AOPEP: variants seen among roughly 807,000 people sequenced by gnomAD.
AOPEP encodes the protein aminopeptidase O (putative), also known as aminopeptidase O.
A neutral mutation model predicts 98.1 loss-of-function variants in AOPEP; 77 were observed. The observed-to-expected ratio is 0.78, with a 90% confidence interval of 0.65 to 0.95. The LOEUF (loss-of-function observed/expected upper bound fraction) is 0.95. AOPEP is among the 40% of genes least tolerant of loss of function. AOPEP has a pLI of 0.00. For missense variants in AOPEP, 1,024 were observed against 1,024.7 expected, an observed-to-expected ratio of 1.00 and a Z score of 0.01; for synonymous variants, 346 against 365.3, an observed-to-expected ratio of 0.95 and a Z score of 0.60.
chr9:94,903,202 T>G (rs912525976), intron 5 of AOPEP, among the ~76,000 whole-genome samples: 6 of 151,704 alleles, frequency 4.0e-5, no homozygotes, highest in Non-Finnish European at 8.8e-5. Context: ...AGGCTGGTCT[T>G]GAATTCCTGA....
At chr9:95,033,831 A>G (rs1156927348) in intron 13 of AOPEP, among the ~76,000 whole-genome samples, 2 of 152,248 alleles carry the variant, frequency 1.3e-5, no homozygotes, top group African/African-American at 4.8e-5. Context: ...TTCTACATAT[A>G]GAAGTCACAG....
chr9:94,892,725 T>C lies in AOPEP; in HGVS notation c.1365-31261T>C, dbSNP rs573424864. 9.3e-4 allele frequency among the ~76,000 whole-genome samples: 141 copies of C among 152,328 alleles called. 1 individual carries two copies. The highest frequency in any genetic ancestry group is 3.2e-3 in the African/African-American group (135 of 41,564). On this transcript the variant is annotated intron_variant, in intron 5 of 16. Transcript: ENST00000375315. ...CTGTTTTCTTTTTCTTTCTATTATT[T>C]TTTAAAGAGGGAGGGTCTTGCTCTG...
At chr9:95,149,064 T>C in the AOPEP span, among the ~76,000 whole-genome samples, 1 of 152,200 alleles carries the variant, frequency 6.6e-6, no homozygotes, top group Non-Finnish European at 1.5e-5. Context: ...AATGCTGCTT[T>C]TGTCAAACAT....
the AOPEP span, among the ~76,000 whole-genome samples, chr9:95,119,189 G>GT: frequency 1.3e-5 from 2 of 152,070 alleles, no homozygotes; most frequent in Non-Finnish European, 2.9e-5. Flanking sequence ...GCCAACTTAT[G>GT]TATCTTTTTT....
At chr9:95,114,696 GT>G in the AOPEP span, 3 of 1,614,138 alleles carry the variant, frequency 1.9e-6, no homozygotes, top group Non-Finnish European at 2.5e-6. Flanking sequence ...TGGAGCCAGT[GT>G]CCCCGAGGGA....
chr9:95,098,717 G>A, the AOPEP span, among the ~76,000 whole-genome samples: 4 of 152,214 alleles, frequency 2.6e-5, no homozygotes, highest in African/African-American at 2.4e-5. Context: ...CTGGTGGGAC[G>A]AGGCCTTCAG....
chr9:94,820,215 G>A (rs893364301), intron 5 of AOPEP, among the ~76,000 whole-genome samples: 15 of 152,058 alleles, frequency 9.9e-5, no homozygotes, highest in Admixed American at 5.9e-4. Context: ...CAAAGTGCTG[G>A]GATTACAGGT....
chr9:94,902,720 C>G (rs191213733), intron 5 of AOPEP, among the ~76,000 whole-genome samples: 6 of 151,632 alleles, frequency 4.0e-5, no homozygotes, highest in Admixed American at 3.9e-4. Context: ...GGCTCTGTAT[C>G]TGTGTGTCAT....
intron 5 of AOPEP, among the ~76,000 whole-genome samples, chr9:94,836,344 G>C (rs998202043): frequency 1.2e-4 from 19 of 152,146 alleles, no homozygotes; most frequent in African/African-American, 4.6e-4. Flanking sequence ...CAGTGAGCAA[G>C]AGTTTTCCTT....
At chr9:94,808,434 A>ATTT (rs1849744866) in intron 5 of AOPEP, among the ~76,000 whole-genome samples, 3 of 150,958 alleles carry the variant, frequency 2.0e-5, no homozygotes, top group African/African-American at 2.4e-5. Context: ...CTTTTTTTTA[A>ATTT]AAAAAATTGA....
At chr9:94,873,981 T>C (rs1218174264) in intron 5 of AOPEP, among the ~76,000 whole-genome samples, 3 of 152,258 alleles carry the variant, frequency 2.0e-5, no homozygotes, top group East Asian at 3.9e-4. Context: ...TGTGTATACC[T>C]GGGATGTATA....
chr9:95,036,331 A>G (rs2064812282), intron 13 of AOPEP, among the ~76,000 whole-genome samples: 1 of 152,246 alleles, frequency 6.6e-6, no homozygotes, highest in Admixed American at 6.5e-5. Context: ...ATTCATGAAG[A>G]TGGAATTTAT....
At chr9:94,820,896 A>T (rs1218322995) in intron 5 of AOPEP, among the ~76,000 whole-genome samples, 1 of 152,162 alleles carries the variant, frequency 6.6e-6, no homozygotes, top group Non-Finnish European at 1.5e-5. Context: ...TGTCTTGGTG[A>T]AGATCTTGCT....
At chr9:94,816,943 C>G (rs909135698) in intron 5 of AOPEP, among the ~76,000 whole-genome samples, 3 of 152,210 alleles carry the variant, frequency 2.0e-5, no homozygotes, top group South Asian at 2.1e-4. Context: ...TAAAAAAGAT[C>G]TAATTGCAAA....
intron 5 of AOPEP, among the ~76,000 whole-genome samples, chr9:94,923,184 G>A (rs1588904151): frequency 6.6e-6 from 1 of 152,298 alleles, no homozygotes; most frequent in East Asian, 1.9e-4. Flanking sequence ...TCTTTCGTCA[G>A]CTCCCCTTCT....
At chr9:94,986,406 C>T (rs2060520847) in intron 11 of AOPEP, among the ~76,000 whole-genome samples, 1 of 152,180 alleles carries the variant, frequency 6.6e-6, no homozygotes, top group Non-Finnish European at 1.5e-5. Flanking sequence ...TGGTGGGACA[C>T]AATTTAGCCA....
At chr9:94,792,237 G>T (rs1845884617) in intron 3 of AOPEP, among the ~76,000 whole-genome samples, 1 of 152,190 alleles carries the variant, frequency 6.6e-6, no homozygotes, top group African/African-American at 2.4e-5. Flanking sequence ...ATTAATTTCA[G>T]AGTTGGGATG....
chr9:95,110,692 G>A, the AOPEP span: 3 of 1,055,340 alleles, frequency 2.8e-6, no homozygotes, highest in African/African-American at 5.0e-5. Context: ...AGAGAAGCAG[G>A]GCTCTATACA....
intron 3 of AOPEP, among the ~76,000 whole-genome samples, chr9:94,790,689 G>T (rs1423880411): frequency 6.6e-6 from 1 of 152,036 alleles, no homozygotes; most frequent in Non-Finnish European, 1.5e-5. Flanking sequence ...ACCTTCCTGA[G>T]TTCAGAATTT....
Sources: allele counts gnomAD v4.1 joint callset (sites outside exome capture counted in the v4.1 genomes callset), GRCh38; gene constraint gnomAD v4.1.1; transcripts MANE v1.5; gene names NCBI Gene and HGNC (gene_info 2026-07-23, HGNC 2026-07-21).